The following CHL1 variants were observed in gnomAD, a reference collection of about 807,000 sequenced individuals.
CHL1 encodes the protein cell adhesion molecule L1 like.
Under a neutral mutation model 141.9 loss-of-function variants are expected in CHL1, and 96 were observed. The ratio of observed to expected loss-of-function variants is 0.68; its 90% CI spans 0.57 to 0.80. The LOEUF is 0.80. Among genes scored for constraint, CHL1 ranks in the 30% least tolerant of loss-of-function variants. The pLI, the probability that CHL1 is intolerant of heterozygous loss-of-function variation, is 0.00. For synonymous variants in CHL1, 613 were observed against 502.2 expected, an observed-to-expected ratio of 1.22 and a Z score of -2.95; for missense variants, 1,820 against 1,457.2, an observed-to-expected ratio of 1.25 and a Z score of -4.05.
At chr3:398,616 C>G (rs1277203679) in intron 25 of CHL1, among the ~76,000 whole-genome samples, 1 of 152,126 alleles carries the variant, frequency 6.6e-6, no homozygotes, top group Admixed American at 6.5e-5. Flanking sequence ...AAAATATCTC[C>G]TGCTAATTAA....
chr3:279,695 T>C (rs187903832), intron 2 of CHL1, among the ~76,000 whole-genome samples: 53 of 152,294 alleles, frequency 3.5e-4, no homozygotes, highest in Admixed American at 1.6e-3. Context: ...ATAGTTGGAA[T>C]GATTGAAGGA....
chr3:384,859 A>G (rs933698849), intron 19 of CHL1, among the ~76,000 whole-genome samples: 2 of 152,154 alleles, frequency 1.3e-5, no homozygotes, highest in South Asian at 2.1e-4. Context: ...TTTGCTTTTT[A>G]TCCTCATATG....
At chr3:333,480 A>G (rs1701624899) in intron 5 of CHL1, among the ~76,000 whole-genome samples, 1 of 152,144 alleles carries the variant, frequency 6.6e-6, no homozygotes, top group Admixed American at 6.5e-5. Context: ...ACAACATTGC[A>G]GTTAAGTTTC....
At position 360,382 on chromosome 3, in the gene CHL1, G is replaced by A. The variant is rs764357511; in HGVS notation, c.1264G>A (p.Val422Ile). 6.2e-7 allele frequency: 1 copy of A among 1,613,706 alleles called. No individual in the cohort carries two copies. Among genetic ancestry groups the A allele is most frequent in the Non-Finnish European group, 8.5e-7 (1 of 1,179,850 alleles). The change falls in exon 12 of 28, where the codon GTC becomes ATC. Residue 422 changes from valine to isoleucine, a missense_variant. Coordinates refer to ENST00000256509, the MANE Select transcript of CHL1 (RefSeq NM_006614.4). ...TAVYQCEASN[V>I]HGTILANANI... ...TGTGTACCAGTGTGAAGCCTCAAATGTCCATGGAACTATCCTTGCCAATGC... is the reference window on the plus strand; with the variant it reads ...TGTGTACCAGTGTGAAGCCTCAAATATCCATGGAACTATCCTTGCCAATGC...
At chr3:332,334 A>C (rs1701505494) in intron 5 of CHL1, among the ~76,000 whole-genome samples, 1 of 152,186 alleles carries the variant, frequency 6.6e-6, no homozygotes, top group Non-Finnish European at 1.5e-5. Context: ...TTTTATTGTT[A>C]AATTATAATG....
chr3:209,111 G>A (rs1408524057), intron 1 of CHL1, among the ~76,000 whole-genome samples: 1 of 152,178 alleles, frequency 6.6e-6, no homozygotes, highest in Non-Finnish European at 1.5e-5. Context: ...AACAAAAGAA[G>A]CCTCAAAGCA....
At chr3:289,184 A>T in intron 2 of CHL1, among the ~76,000 whole-genome samples, 1 of 152,240 alleles carries the variant, frequency 6.6e-6, no homozygotes, top group Non-Finnish European at 1.5e-5. Context: ...AAAGGGAGTC[A>T]TGAAACAAAC....
chr3:217,303 A>G (rs377493428), intron 1 of CHL1, among the ~76,000 whole-genome samples: 4 of 152,234 alleles, frequency 2.6e-5, no homozygotes, highest in South Asian at 2.1e-4. Flanking sequence ...CTCTGATTCT[A>G]AGAAGCCATT....
chr3:336,385 A>C (rs1242043197), intron 5 of CHL1, among the ~76,000 whole-genome samples: 1 of 152,108 alleles, frequency 6.6e-6, no homozygotes, highest in African/African-American at 2.4e-5. Context: ...TTTTTTCATC[A>C]CAGTGGTTAG....
intron 22 of CHL1, among the ~76,000 whole-genome samples, 175 bp from the exon 23 acceptor site, chr3:391,500 A>G (rs1708225298): frequency 6.6e-6 from 1 of 152,234 alleles, no homozygotes; most frequent in South Asian, 2.1e-4. Context: ...AGCCTGGGCC[A>G]CGTGAGACTC....
At chr3:381,434 A>C (rs1024344218) in intron 16 of CHL1, among the ~76,000 whole-genome samples, 3 of 152,188 alleles carry the variant, frequency 2.0e-5, no homozygotes, top group Non-Finnish European at 4.4e-5. Context: ...TGGTCAGCTC[A>C]TGCTTAAGTC....
intron 12 of CHL1, among the ~76,000 whole-genome samples, chr3:360,954 G>A (rs2125260709): frequency 6.6e-6 from 1 of 151,646 alleles, no homozygotes; most frequent in Admixed American, 6.6e-5. Context: ...GTATTCCATG[G>A]TGTATATGTG....
At chr3:198,864 C>A (rs1698658956) in intron 1 of CHL1, among the ~76,000 whole-genome samples, 1 of 152,216 alleles carries the variant, frequency 6.6e-6, no homozygotes, top group South Asian at 2.1e-4. Flanking sequence ...CTCTGCCTTG[C>A]AGCAGATTGG....
chr3:247,102 T>G (rs1693244874), intron 2 of CHL1: 1 of 151,740 alleles, frequency 6.6e-6, no homozygotes, highest in African/African-American at 2.4e-5. Flanking sequence ...AAAAGTTCTA[T>G]CCTATGAGAT....
chr3:249,758 T>G (rs1559335746), intron 2 of CHL1, among the ~76,000 whole-genome samples: 3 of 152,132 alleles, frequency 2.0e-5, no homozygotes. Flanking sequence ...TGGTCCATGG[T>G]AACATACTAA....
intron 1 of CHL1, 90 bp from the exon 2 acceptor site, chr3:244,523 A>T (rs9814099): frequency 6.7e-6 from 1 of 148,504 alleles, no homozygotes; most frequent in Non-Finnish European, 1.5e-5. Flanking sequence ...AATTAAATCC[A>T]TTTTTTTAAA....
chr3:357,125 AC>A (rs1468080712), intron 11 of CHL1, among the ~76,000 whole-genome samples: 4 of 152,172 alleles, frequency 2.6e-5, no homozygotes, highest in Non-Finnish European at 5.9e-5. Context: ...GCGAGACCAC[AC>A]AGCTGAATAA....
In CHL1 at chr3:398,363, T is replaced by G. The variant is rs1188472703; in HGVS notation, c.3231T>G (p.Asp1077Glu). Residue 1077 changes from aspartate (D) to glutamate (E), a missense_variant, in exon 25 of 28, where the codon GAT (aspartate) becomes GAG (glutamate). Asp to Glu is a conservative substitution (Grantham distance 45, BLOSUM62 2). Transcript: ENST00000256509. Reference protein sequence around the residue: ...NWGDNDSIFQDVIETRGREYA... With the variant: ...NWGDNDSIFQEVIETRGREYA... Reference sequence around the variant, plus strand: ...GCGATAATGATAGCATTTTTCAAGATGTAATTGAGACAAGAGGGAGAGGTG... The same window carrying G: ...GCGATAATGATAGCATTTTTCAAGAGGTAATTGAGACAAGAGGGAGAGGTG... 1 of 1,602,518 alleles carries G rather than the reference T, an allele frequency of 6.2e-7. No individual in the cohort carries two copies. The highest frequency in any genetic ancestry group is 1.3e-5 in the African/African-American group (1 of 74,670).
chr3:280,080 G>C (rs1273782157), intron 2 of CHL1, among the ~76,000 whole-genome samples: 2 of 152,152 alleles, frequency 1.3e-5, no homozygotes, highest in African/African-American at 4.8e-5. Context: ...ATAAATATAG[G>C]TGTGTAAAGA....
Sources: allele counts gnomAD v4.1 joint callset (sites outside exome capture counted in the v4.1 genomes callset), GRCh38; gene constraint gnomAD v4.1.1; transcripts MANE v1.5; gene names NCBI Gene and HGNC (gene_info 2026-07-23, HGNC 2026-07-21).